The following RALGPS2 variants were observed in gnomAD, a reference collection of about 807,000 sequenced individuals.
RALGPS2 encodes ras-specific guanine nucleotide-releasing factor RalGPS2.
Under a neutral mutation model 86.8 loss-of-function variants are expected in RALGPS2, and 43 were observed. The ratio of observed to expected loss-of-function variants is 0.50; its 90% CI spans 0.39 to 0.64. RALGPS2 has a LOEUF of 0.64. RALGPS2 is among the 30% of genes least tolerant of loss of function. The probability of loss-of-function intolerance (pLI) is 0.00; values close to 1 mark genes in which losing one functional copy is unlikely to be tolerated. For synonymous variants in RALGPS2, 243 were observed against 231.3 expected (o/e 1.05, Z -0.46); for missense variants, 536 against 694.6 (o/e 0.77, Z 2.57).
intron 1 of RALGPS2, among the ~76,000 whole-genome samples, chr1:178,737,918 C>T (rs140892569): frequency 1.7e-3 from 263 of 152,072 alleles, no homozygotes; most frequent in African/African-American, 4.7e-3. Context: ...GGTGGGACTA[C>T]GGGTGCACAC....
intron 4 of RALGPS2, among the ~76,000 whole-genome samples, chr1:178,800,980 G>A (rs996364772): frequency 2.6e-5 from 4 of 151,176 alleles, no homozygotes; most frequent in South Asian, 2.1e-4. Context: ...AGGCTGGAGC[G>A]CAGTGGCGTG....
chr1:178,790,711 C>T (rs1653910827), intron 4 of RALGPS2, among the ~76,000 whole-genome samples: 1 of 152,178 alleles, frequency 6.6e-6, no homozygotes, highest in Admixed American at 6.5e-5. Context: ...GATTATAGAG[C>T]ATCTTTAAAT....
chr1:178,800,974 T>C (rs1308160482), intron 4 of RALGPS2, among the ~76,000 whole-genome samples: 10 of 152,096 alleles, frequency 6.6e-5, no homozygotes, highest in South Asian at 4.2e-4. Flanking sequence ...TTGCCCAGGC[T>C]GGAGCGCAGT....
intron 1 of RALGPS2, among the ~76,000 whole-genome samples, chr1:178,770,606 A>G (rs1338216322): frequency 1.4e-5 from 2 of 144,812 alleles, no homozygotes; most frequent in Non-Finnish European, 3.0e-5. Flanking sequence ...CCTCCCGAGT[A>G]GCTGGTACAA....
chr1:178,814,855 A>G (rs1236050365), intron 6 of RALGPS2, among the ~76,000 whole-genome samples: 4 of 152,234 alleles, frequency 2.6e-5, no homozygotes. Context: ...CCATGTCACC[A>G]TCTGATATTG....
chr1:178,760,270 A>G (rs971039159), intron 1 of RALGPS2, among the ~76,000 whole-genome samples: 1 of 152,178 alleles, frequency 6.6e-6, no homozygotes, highest in Admixed American at 6.5e-5. Context: ...TCAATGATCT[A>G]ACGTTGTCAT....
intron 8 of RALGPS2, among the ~76,000 whole-genome samples, chr1:178,866,721 A>G (rs1054170255): frequency 1.1e-4 from 16 of 152,194 alleles, no homozygotes; most frequent in African/African-American, 3.9e-4. Flanking sequence ...GGCTAAGGCC[A>G]CACAAGGATT....
At chr1:178,760,424 T>A (rs957953504) in intron 1 of RALGPS2, among the ~76,000 whole-genome samples, 1 of 152,252 alleles carries the variant, frequency 6.6e-6, no homozygotes, top group African/African-American at 2.4e-5. Flanking sequence ...GAATATTTTA[T>A]CACTCTGTAA....
At chr1:178,810,867 G>A (rs972351153) in intron 5 of RALGPS2, among the ~76,000 whole-genome samples, 1 of 151,904 alleles carries the variant, frequency 6.6e-6, no homozygotes, top group Non-Finnish European at 1.5e-5. Context: ...CATAGTACAT[G>A]AATTAAAGTG....
In RALGPS2 at chr1:178,867,857, A is replaced by C. The variant is rs143242144; in HGVS notation, c.608-9641A>C. Among the ~76,000 whole-genome samples, 487 of 152,006 alleles carry C rather than the reference A, an allele frequency of 3.2e-3. 3 individuals are homozygous for C. The highest frequency in any genetic ancestry group is 9.0e-3 in the African/African-American group (373 of 41,568). On this transcript the variant is annotated intron_variant, in intron 8 of 19. Coordinates refer to ENST00000367635, the MANE Select transcript of RALGPS2 (RefSeq NM_152663.5). ...GTCATGTCAATGAAATATAACTCTTATGCTGTCGTCATGAAGACTACTGCT... is the reference window on the plus strand; with the variant it reads ...GTCATGTCAATGAAATATAACTCTTCTGCTGTCGTCATGAAGACTACTGCT...
intron 8 of RALGPS2, among the ~76,000 whole-genome samples, chr1:178,844,480 C>T (rs1656771670): frequency 6.6e-6 from 1 of 152,170 alleles, no homozygotes; most frequent in Non-Finnish European, 1.5e-5. Context: ...TTTCTCGGCT[C>T]TCAACTCATC....
chr1:178,797,998 A>C (rs1469691645), intron 4 of RALGPS2, among the ~76,000 whole-genome samples: 1 of 151,482 alleles, frequency 6.6e-6, no homozygotes. Context: ...AAAAAAAAAA[A>C]AAAAAAACCA....
chr1:178,836,898 C>CCTAA (rs1221435088), intron 8 of RALGPS2, among the ~76,000 whole-genome samples: 3 of 152,130 alleles, frequency 2.0e-5, no homozygotes, highest in Non-Finnish European at 2.9e-5. Flanking sequence ...CCCACCTTAG[C>CCTAA]CTCTGCAGTA....
At chr1:178,750,914 C>T (rs1381367145) in intron 1 of RALGPS2, among the ~76,000 whole-genome samples, 1 of 152,026 alleles carries the variant, frequency 6.6e-6, no homozygotes, top group African/African-American at 2.4e-5. Flanking sequence ...AGCTATGGAT[C>T]CAGGAAAATG....
At chr1:178,801,083 C>T (rs769820901) in intron 4 of RALGPS2, among the ~76,000 whole-genome samples, 7 of 151,972 alleles carry the variant, frequency 4.6e-5, no homozygotes, top group African/African-American at 1.5e-4. Flanking sequence ...TATGCCACCA[C>T]GCCTGGCTAA....
rs577523748 is a variant in RALGPS2, at chr1:178,814,144, G to A, written c.387+2740G>A. ...TGTGTATGTTTCTGAATCATATGTT[G>A]CTGCAAATATATGCTTTTGGATTTT... On this transcript the variant is annotated intron_variant, in intron 6 of 19. Coordinates refer to ENST00000367635, the MANE Select transcript of RALGPS2 (RefSeq NM_152663.5). Among the ~76,000 whole-genome samples the A allele has an allele frequency of 9.9e-5, 15 of 152,210 alleles. No homozygotes were observed. The South Asian group carries it at 3.1e-3, about 32-fold the overall frequency.
At chr1:178,853,804 A>G in intron 8 of RALGPS2, 3 of 1,526,040 alleles carry the variant, frequency 2.0e-6, no homozygotes, top group Non-Finnish European at 2.6e-6. Flanking sequence ...TTTAAATATC[A>G]TTTATTATCA....
chr1:178,916,225 T>C, intron 19 of RALGPS2, 105 bp from the exon 20 acceptor site: 2 of 864,408 alleles, frequency 2.3e-6, no homozygotes, highest in Admixed American at 2.5e-5. Context: ...TTTTAAAAGA[T>C]ACTTAAGTAG....
chr1:178,804,555 A>G (rs1435236653), intron 4 of RALGPS2, among the ~76,000 whole-genome samples: 1 of 132,878 alleles, frequency 7.5e-6, no homozygotes, highest in South Asian at 2.6e-4. Context: ...GCGATAGTTT[A>G]CTGAGAATGA....
Sources: allele counts gnomAD v4.1 joint callset (sites outside exome capture counted in the v4.1 genomes callset), GRCh38; gene constraint gnomAD v4.1.1; transcripts MANE v1.5; gene names NCBI Gene and HGNC (gene_info 2026-07-23, HGNC 2026-07-21).